Variants in DHX32 observed in about 807,000 individuals in gnomAD.
DHX32 encodes DEAH-box helicase 32 (putative), also known as putative pre-mRNA-splicing factor ATP-dependent RNA helicase DHX32.
A neutral mutation model predicts 70.0 loss-of-function variants in DHX32; 51 were observed. The ratio of observed to expected loss-of-function variants is 0.73; its 90% confidence interval spans 0.58 to 0.92. The LOEUF (loss-of-function observed/expected upper bound fraction) is 0.92. Among genes scored for constraint, DHX32 ranks in the 40% least tolerant of loss-of-function variants. The pLI is 0.00. For missense variants in DHX32, 762 were observed against 891.8 expected (o/e 0.85, Z 1.85); for synonymous variants, 310 against 315.3 (o/e 0.98, Z 0.18).
In DHX32 at chr10:125,851,920, CAA is replaced by C. The variant is rs56380138; in HGVS notation, c.1351+371_1351+372del. Among the ~76,000 whole-genome samples, 633 of 86,742 alleles carry C rather than the reference CAA, an allele frequency of 7.3e-3. 5 individuals are homozygous for C. The highest frequency in any genetic ancestry group is 0.018 in the African/African-American group (411 of 22,316). 56.9% of individuals were successfully genotyped at this position (86,742 alleles called of 152,430 possible). ...TGAGCAACAGAGCAAGACCCTGTCT[CAA>C]AAAAAAAAAAAAAAAAAAAGAAAAG... On this transcript the variant is annotated intron_variant, in intron 6 of 10. Transcript: ENST00000284690.
chr10:125,866,899 C>T lies in DHX32; in HGVS notation c.476+91G>A, dbSNP rs1944223581. ...GCTACTGCACAGCATAGATGCTTAA[C>T]AGGTAGAATGCCAGAATAATGCTCC... is the stretch of plus-strand genomic sequence containing the variant. On this transcript the variant is annotated intron_variant, in intron 2 of 10. Transcript: ENST00000284690. This position sits in a 1 kb window ranked among gnomAD's most constrained non-coding sequence, Gnocchi z 4.8. 1.2e-5 allele frequency: 17 copies of T among 1,388,758 alleles called. No homozygotes were observed. The highest frequency in any genetic ancestry group is 4.7e-4 in the Middle Eastern group (2 of 4,288). The allele number at this position is 1,388,758 out of a possible 1,614,324, so 86.0% of individuals were successfully genotyped here.
chr10:125,873,123 G>T (rs1944265113), intron 1 of DHX32, among the ~76,000 whole-genome samples: 1 of 152,152 alleles, frequency 6.6e-6, no homozygotes, highest in African/African-American at 2.4e-5. Context: ...TCAGAATCAA[G>T]GGAGCAGCAG....
In DHX32 at chr10:125,836,791, G is replaced by C. The variant is rs138137798; in HGVS notation, c.2128C>G (p.Leu710Val). Reference sequence around the variant, plus strand: ...GATAGGTGATCCACTACTTGCTGTAGAATGTCCTTACTTTCACTAGGAGGC... The same window carrying C: ...GATAGGTGATCCACTACTTGCTGTACAATGTCCTTACTTTCACTAGGAGGC... ...NLPPSESKDI[L>V]QQVVDHLSPV... Residue 710 changes from leucine (L) to valine (V), a missense_variant, in exon 11 of 11, where the codon CTA (leucine) becomes GTA (valine). Physicochemically the swap from Leu to Val is conservative, Grantham distance 32 (BLOSUM62 1). Around this residue, in one of 3 missense-constraint regions of DHX32, gnomAD observed 366 missense variants for 402.6 expected, o/e 0.91. Transcript: ENST00000284690. The C allele has an allele frequency of 6.2e-7, 1 of 1,613,962 alleles. No individual in the cohort carries two copies. Among genetic ancestry groups the C allele is most frequent in the Non-Finnish European group, 8.5e-7 (1 of 1,179,982 alleles).
chr10:125,880,638 G>A lies in DHX32; in HGVS notation c.187C>T (p.Pro63Ser). 1 of 1,614,112 alleles carries A rather than the reference G, an allele frequency of 6.2e-7. No individual in the cohort carries two copies. Among genetic ancestry groups the A allele is most frequent in the Non-Finnish European group, 8.5e-7 (1 of 1,180,004 alleles). ...AAGGAGTATTTTTCTTTCCATATAGGAAGATCTTCTCTTTCTTTCAGAAGT... is the reference window on the plus strand; with the variant it reads ...AAGGAGTATTTTTCTTTCCATATAGAAAGATCTTCTCTTTCTTTCAGAAGT... Reference protein sequence around the residue: ...YKLLKEREDLPIWKEKYSFME... With the variant: ...YKLLKEREDLSIWKEKYSFME... Residue 63 changes from proline (P) to serine (S), a missense_variant, in exon 1 of 11, where the codon CCT becomes TCT. Physicochemically the swap from Pro to Ser is moderately conservative, Grantham distance 74 (BLOSUM62 -1). Transcript: ENST00000284690.
intron 6 of DHX32, among the ~76,000 whole-genome samples, chr10:125,843,803 G>T (rs748776393): frequency 1.3e-5 from 2 of 152,178 alleles, no homozygotes; most frequent in African/African-American, 4.8e-5. Flanking sequence ...TCAGCCTGAC[G>T]CGCCCACCAC....
intron 6 of DHX32, among the ~76,000 whole-genome samples, chr10:125,843,376 C>T (rs974556143): frequency 3.9e-5 from 6 of 152,030 alleles, no homozygotes; most frequent in East Asian, 1.9e-4. Context: ...TTTGGGAGGC[C>T]GAGGCGGGAG....
chr10:125,890,656 T>C (rs1944365129), intron 1 of DHX32: 3 of 152,440 alleles, frequency 2.0e-5, no homozygotes, highest in South Asian at 4.1e-4. Context: ...CAGTTGATCT[T>C]AGCCAAAAGG....
chr10:125,845,145 G>A (rs995698086), intron 6 of DHX32, among the ~76,000 whole-genome samples: 2 of 152,176 alleles, frequency 1.3e-5, no homozygotes, highest in Admixed American at 6.5e-5. Flanking sequence ...CCAAGGCCAC[G>A]GCAGTTCCAG....
chr10:125,842,805 T>G (rs917787659), intron 6 of DHX32: 2 of 951,040 alleles, frequency 2.1e-6, no homozygotes, highest in Non-Finnish European at 2.5e-6. Flanking sequence ...GATAGCAAGC[T>G]GATTCTCTCC....
intron 7 of DHX32, 105 bp downstream of exon 7, chr10:125,841,636 CTA>C (rs1480772858): frequency 6.7e-7 from 1 of 1,493,068 alleles, no homozygotes; most frequent in Non-Finnish European, 8.8e-7. Context: ...GAGTTGATCA[CTA>C]TCTCTGCTCT....
At position 125,880,950 on chromosome 10, in the gene DHX32, A is replaced by C. The variant is rs1944313624; in HGVS notation, c.-126T>G. On this transcript the variant is annotated 5_prime_UTR_variant, in exon 1 of 11. Coordinates refer to ENST00000284690, the MANE Select transcript of DHX32 (RefSeq NM_018180.3). ...CGTATGTTCCAATCTCTAAGACTTC[A>C]GTTCAAGGTTTTAGCAAGTTAAATT... The C allele has an allele frequency of 2.5e-6, 3 of 1,188,414 alleles. No individual in the cohort carries two copies. In the South Asian group the frequency reaches 4.6e-5, roughly 18 times the overall value. 73.6% of individuals were successfully genotyped at this position (1,188,414 alleles called of 1,614,324 possible). A position where few individuals can be genotyped will look rare whatever the true frequency, so the allele number is the denominator to read the frequency against.
chr10:125,867,405 T>G (rs760698698), intron 1 of DHX32, among the ~76,000 whole-genome samples: 7 of 152,152 alleles, frequency 4.6e-5, no homozygotes, highest in Non-Finnish European at 8.8e-5. Flanking sequence ...TAACAGGGAC[T>G]GTGAAAGTTT....
chr10:125,841,879 A>G lies in DHX32; in HGVS notation c.1407T>C (p.Asp469=), dbSNP rs1418842015. The change falls in exon 7 of 11, where the codon GAT becomes GAC. Residue 469 remains aspartate, a synonymous_variant. Coordinates refer to ENST00000284690, the MANE Select transcript of DHX32 (RefSeq NM_018180.3). Reference sequence around the variant, plus strand: ...CAAATTCAGAAAGATTTCCATCATTATCCAGTGCTGCCAGATAATCTAAGT... The same window carrying G: ...CAAATTCAGAAAGATTTCCATCATTGTCCAGTGCTGCCAGATAATCTAAGT... ...LEDLDYLAAL[D]NDGNLSEFGI... The G allele has an allele frequency of 1.9e-6, 3 of 1,612,940 alleles. No individual in the cohort carries two copies. Among genetic ancestry groups the G allele is most frequent in the Admixed American group, 1.7e-5 (1 of 59,798 alleles).
At chr10:125,883,869 C>A (rs1037119764), upstream of DHX32, among the ~76,000 whole-genome samples, 6 of 152,292 alleles carry the variant, frequency 3.9e-5, no homozygotes, top group East Asian at 1.2e-3. Flanking sequence ...TCTCCTGGAG[C>A]CCTGCTCTTC....
intron 8 of DHX32, among the ~76,000 whole-genome samples, chr10:125,840,336 C>T (rs942025866): frequency 6.6e-6 from 1 of 152,224 alleles, no homozygotes; most frequent in Non-Finnish European, 1.5e-5. Context: ...TCTCTGGACA[C>T]CCTCTGCTCT....
intron 3 of DHX32, among the ~76,000 whole-genome samples, chr10:125,857,332 C>T (rs987959943): frequency 2.0e-5 from 3 of 152,188 alleles, no homozygotes; most frequent in Non-Finnish European, 4.4e-5. Flanking sequence ...AACCTGGTGC[C>T]CAGGTAAAGT....
chr10:125,882,863 A>G (rs1050962217), upstream of DHX32, among the ~76,000 whole-genome samples: 1 of 152,196 alleles, frequency 6.6e-6, no homozygotes, highest in Non-Finnish European at 1.5e-5. Context: ...TCTTCAGAGA[A>G]GTTAAAATTT....
chr10:125,867,259 G>T (rs1944226126), intron 1 of DHX32, 76 bp from the exon 2 acceptor site: 1 of 1,276,542 alleles, frequency 7.8e-7, no homozygotes, highest in Non-Finnish European at 1.1e-6. Context: ...TTACAGCAGG[G>T]TTCATCTTAT....
intron 2 of DHX32, among the ~76,000 whole-genome samples, chr10:125,862,963 TTAACTAA>T (rs1340978800): frequency 6.6e-6 from 1 of 152,140 alleles, no homozygotes; most frequent in African/African-American, 2.4e-5. Context: ...AAAAGTGCTG[TTAACTAA>T]TAAGTACGTA....
Sources: allele counts gnomAD v4.1 joint callset (sites outside exome capture counted in the v4.1 genomes callset), GRCh38; gene constraint gnomAD v4.1.1; regional missense constraint gnomAD v4.1.1; non-coding constraint Gnocchi (gnomAD v3.1); transcripts MANE v1.5; gene names NCBI Gene and HGNC (gene_info 2026-07-23, HGNC 2026-07-21).